MYO15A: variants seen among roughly 807,000 people sequenced by gnomAD.
MYO15A encodes unconventional myosin-XV.
MYO15A carries 308 observed loss-of-function variants against 394.6 expected under a neutral mutation model. The observed-to-expected ratio is 0.78, with a 90% CI of 0.71 to 0.86. The LOEUF (loss-of-function observed/expected upper bound fraction) is 0.86. MYO15A is among the 40% of genes least tolerant of loss of function. The pLI, the probability that MYO15A is intolerant of heterozygous loss-of-function variation, is 0.00. For synonymous variants in MYO15A, 1,957 were observed against 2,003.8 expected (o/e 0.98, Z 0.62); for missense variants, 4,606 against 4,799.1 (o/e 0.96, Z 1.19).
At chr17:18,145,076 A>C (rs2046452677) in intron 29 of MYO15A, among the ~76,000 whole-genome samples, 2 of 152,082 alleles carry the variant, frequency 1.3e-5, no homozygotes, top group African/African-American at 4.8e-5. Flanking sequence ...CACAGAGAAG[A>C]GGAAATTGGT....
Position 18,155,320 on chromosome 17 carries a change from G to A in MYO15A, c.8347G>A (p.Val2783Met), listed in dbSNP as rs201214320. 5.6e-5 allele frequency: 91 copies of A among 1,613,768 alleles called. No homozygotes were observed. The African/African-American group carries it at 5.9e-4, about 10-fold the overall frequency. The part of the protein sequence containing the change: ...FSRIFPATGS[V>M]GTGVQLLAVS... Reference sequence around the variant, plus strand: ...CCCTTCATCTCTGCCCCAGGGCAGCGTGGGCACTGGTGTGCAGCTCCTAGC... The same window carrying A: ...CCCTTCATCTCTGCCCCAGGGCAGCATGGGCACTGGTGTGCAGCTCCTAGC... Residue 2783 changes from valine (V) to methionine (M), a missense_variant, in exon 47 of 66, where the codon GTG becomes ATG. Physicochemically the swap from Val to Met is conservative, Grantham distance 21. This residue lies in a region of MYO15A where 2,776 missense variants were observed against 3,109.3 expected (regional missense o/e 0.89). Coordinates refer to ENST00000647165, the MANE Select transcript of MYO15A (RefSeq NM_016239.4).
At chr17:18,122,936 T>C (rs2045964795) in intron 2 of MYO15A, 1 of 157,718 alleles carries the variant, frequency 6.3e-6, no homozygotes, top group Non-Finnish European at 1.4e-5. Context: ...TAGGTCAGGG[T>C]GAGGGGCTCA....
Position 18,156,263 on chromosome 17 carries a change from A to G in MYO15A, c.8528A>G (p.Lys2843Arg), listed in dbSNP as rs201542989. The G allele has an allele frequency of 2.3e-4, 370 of 1,614,060 alleles. 1 individual carries two copies. The highest frequency in any genetic ancestry group is 2.7e-4 in the South Asian group (25 of 91,082). ...CTGGAGTTCAACCTGGCCAGTGAGA[A>G]GGTCATCCTCTTCTCAGCCCGAGCG... is the stretch of plus-strand genomic sequence containing the variant. ...NMLEFNLASEKVILFSARAHQ... is the reference protein window; with the variant it reads ...NMLEFNLASERVILFSARAHQ... The change falls in exon 48 of 66, where the codon AAG (lysine) becomes AGG (arginine). Residue 2843 changes from lysine (K) to arginine (R), a missense_variant. Coordinates refer to ENST00000647165, the MANE Select transcript of MYO15A (RefSeq NM_016239.4).
In MYO15A at chr17:18,143,736, G is replaced by A. The variant is rs1227664414; in HGVS notation, c.5986G>A (p.Val1996Ile). 5.6e-6 allele frequency: 9 copies of A among 1,598,932 alleles called. No individual in the cohort carries two copies. Among genetic ancestry groups the A allele is most frequent in the Non-Finnish European group, 7.7e-6 (9 of 1,173,286 alleles). Residue 1996 changes from valine (V) to isoleucine (I), a missense_variant, in exon 27 of 66, where the codon GTC (valine) becomes ATC (isoleucine). Val to Ile is a conservative substitution (Grantham distance 29). Transcript: ENST00000647165. Reference protein sequence around the residue: ...EQEELSKREVVAVGHLEVPAE... With the variant: ...EQEELSKREVIAVGHLEVPAE... ...CTAGGAGCTGAGCAAGCGGGAGGTA[G>A]TCGCTGTGGGGCACCTGGAGGTACC...
Position 18,150,804 on chromosome 17 carries a change from C to G in MYO15A, c.7396-32C>G. On this transcript the variant is annotated intron_variant, in intron 37 of 65. Coordinates refer to ENST00000647165, the MANE Select transcript of MYO15A (RefSeq NM_016239.4). This position sits in a 1 kb window ranked among gnomAD's most constrained non-coding sequence, Gnocchi z 4.4. ...GGACTGCTGGGGGGTGGAGAATGGA[C>G]CTGCCTGGTCACCACTGCCACCTCT... The G allele has an allele frequency of 2.5e-6, 4 of 1,584,800 alleles. No homozygotes were observed. The highest frequency in any genetic ancestry group is 3.4e-6 in the Non-Finnish European group (4 of 1,164,974).
intron 58 of MYO15A, among the ~76,000 whole-genome samples, chr17:18,162,986 C>T (rs1002883810): frequency 2.6e-5 from 4 of 152,090 alleles, no homozygotes; most frequent in Admixed American, 6.5e-5. Flanking sequence ...GGTGACAGAG[C>T]GAGACTCCAT....
chr17:18,145,484 C>A (rs2046459418), intron 29 of MYO15A, among the ~76,000 whole-genome samples: 1 of 152,148 alleles, frequency 6.6e-6, no homozygotes, highest in African/African-American at 2.4e-5. Flanking sequence ...GAGGCCAAGG[C>A]AGGCAGATCC....
chr17:18,130,712 C>T (rs1597776005), intron 7 of MYO15A, 93 bp from the exon 8 acceptor site: 1 of 1,605,474 alleles, frequency 6.2e-7, no homozygotes, highest in Non-Finnish European at 8.5e-7. Context: ...TCTGAGGCTC[C>T]TAGTCTCCTG....
chr17:18,126,653 G>C (rs1194877675), intron 5 of MYO15A, 138 bp from the exon 6 acceptor site: 10 of 1,163,706 alleles, frequency 8.6e-6, no homozygotes, highest in African/African-American at 1.5e-5. Context: ...GACCAGGATG[G>C]GGGTGGGAGC....
chr17:18,137,796 A>G (rs2046305996), intron 16 of MYO15A, 117 bp downstream of exon 16: 1 of 1,193,122 alleles, frequency 8.4e-7, no homozygotes. Flanking sequence ...TAGACAGTAG[A>G]GGGAAAGGCA....
chr17:18,126,637 C>T (rs1370483547), intron 5 of MYO15A, among the ~76,000 whole-genome samples, 154 bp from the exon 6 acceptor site: 2 of 151,988 alleles, frequency 1.3e-5, no homozygotes, highest in Admixed American at 1.3e-4. Flanking sequence ...AGGCCACTGT[C>T]GTTCAGACCA....
At position 18,152,106 on chromosome 17, in the gene MYO15A, GGA is replaced by G. The variant is rs1440527645; in HGVS notation, c.7894-5_7894-4del. The G allele has an allele frequency of 6.4e-7, 1 of 1,551,500 alleles. No individual in the cohort carries two copies. The highest frequency in any genetic ancestry group is 2.0e-5 in the Admixed American group (1 of 51,050). ...CCCCCTGAGCAGTCTCTTTGGGGTG[GGA>G]CAGGTGTCCAGAGAGGCCGTGGCCC... On this transcript the variant is annotated splice_polypyrimidine_tract_variant and splice_region_variant and intron_variant, in intron 41 of 65. Coordinates refer to ENST00000647165, the MANE Select transcript of MYO15A (RefSeq NM_016239.4).
chr17:18,110,339 C>T (rs2045706351), intron 1 of MYO15A: 1 of 152,200 alleles, frequency 6.6e-6, no homozygotes, highest in Non-Finnish European at 1.5e-5. Flanking sequence ...ATAATATTTT[C>T]TAAGAAGCCA....
At chr17:18,125,274 GGCA>G in intron 4 of MYO15A, 43 bp downstream of exon 4, 1 of 1,589,510 alleles carries the variant, frequency 6.3e-7, no homozygotes, top group Non-Finnish European at 8.6e-7. Context: ...AGGTCAGGAA[GGCA>G]GCTGCCTCCT....
In MYO15A at chr17:18,127,153, G is replaced by A. The variant is rs745819456; in HGVS notation, c.4020G>A (p.Glu1340=). ...TGGCCGCCATGAACCAGAAACGGGAGGTCATGCAGCAGGTGAGTCTACCTG... is the reference window on the plus strand; with the variant it reads ...TGGCCGCCATGAACCAGAAACGGGAAGTCATGCAGCAGGTGAGTCTACCTG... ...RYLAAMNQKR[E]VMQQIKILEA... Residue 1340 remains glutamate, a synonymous_variant, in exon 7 of 66, where the codon GAG becomes GAA. Coordinates refer to ENST00000647165, the MANE Select transcript of MYO15A (RefSeq NM_016239.4). The A allele has an allele frequency of 1.2e-6, 2 of 1,613,846 alleles. No individual in the cohort carries two copies. Among genetic ancestry groups the A allele is most frequent in the South Asian group, 2.2e-5 (2 of 91,066 alleles).
At chr17:18,161,016 C>A in intron 56 of MYO15A, 1 of 501,172 alleles carries the variant, frequency 2.0e-6, no homozygotes, top group South Asian at 1.9e-5. Flanking sequence ...TTCCCAGAAG[C>A]CTCCCTAGAG....
At position 18,152,138 on chromosome 17, in the gene MYO15A, G is replaced by A; in HGVS notation, c.7920G>A (p.Val2640=). 1 of 1,551,500 alleles carries A rather than the reference G, an allele frequency of 6.4e-7. No homozygotes were observed. The highest frequency in any genetic ancestry group is 8.7e-7 in the Non-Finnish European group (1 of 1,147,200). ...TQVSREAVAL[V]KPVTSAPRPS... ...TGTCCAGAGAGGCCGTGGCCCTGGTGAAGCCGGTGACCAGTGCACCAAGGC... is the reference window on the plus strand; with the variant it reads ...TGTCCAGAGAGGCCGTGGCCCTGGTAAAGCCGGTGACCAGTGCACCAAGGC... Residue 2640 remains valine (V), a synonymous_variant, in exon 42 of 66, where the codon GTG becomes GTA. Coordinates refer to ENST00000647165, the MANE Select transcript of MYO15A (RefSeq NM_016239.4).
Position 18,173,896 on chromosome 17 carries a change from G to A in MYO15A, c.10466G>A (p.Arg3489His), listed in dbSNP as rs747433136. The change falls in exon 65 of 66, where the codon CGC becomes CAC. Residue 3489 changes from arginine (R) to histidine (H), a missense_variant. Arg to His is a conservative substitution (Grantham distance 29). Transcript: ENST00000647165. ...EIALGDVAAQ[R>H]TLQLQLEQGL... Reference sequence around the variant, plus strand: ...GCGCTGGGGGACGTGGCGGCCCAGCGCACCTTGCAGCTGCAGCTGGAGCAG... The same window carrying A: ...GCGCTGGGGGACGTGGCGGCCCAGCACACCTTGCAGCTGCAGCTGGAGCAG... 4.3e-5 allele frequency: 69 copies of A among 1,612,772 alleles called. No homozygotes were observed. Among genetic ancestry groups the A allele is most frequent in the Non-Finnish European group, 5.7e-5 (67 of 1,179,508 alleles).
In MYO15A at chr17:18,118,663, C is replaced by T. The variant is rs2142234597; in HGVS notation, c.-138C>T. On this transcript the variant is annotated 5_prime_UTR_variant, in exon 2 of 66. It introduces an in-frame stop codon into an upstream open reading frame of the 5' UTR. Transcript: ENST00000647165. ...CTGGCTCGGCCCTCCCCACGCCACC[C>T]AGGGCCAGTCGGGTCTGCTCACAGC... The T allele has an allele frequency of 7.3e-7, 1 of 1,376,992 alleles. No individual in the cohort carries two copies. The highest frequency in any genetic ancestry group is 9.9e-7 in the Non-Finnish European group (1 of 1,011,444). 85.3% of individuals were successfully genotyped at this position (1,376,992 alleles called of 1,614,324 possible). A position where few individuals can be genotyped will look rare whatever the true frequency, so the allele number is the denominator to read the frequency against.
Sources: allele counts gnomAD v4.1 joint callset (sites outside exome capture counted in the v4.1 genomes callset), GRCh38; gene constraint gnomAD v4.1.1; regional missense constraint gnomAD v4.1.1; non-coding constraint Gnocchi (gnomAD v3.1); transcripts MANE v1.5; gene names NCBI Gene and HGNC (gene_info 2026-07-23, HGNC 2026-07-21).